The following WDR72 variants were observed in gnomAD, a reference collection of about 807,000 sequenced individuals.
WDR72 encodes WD repeat-containing protein 72.
A neutral mutation model predicts 124.2 loss-of-function variants in WDR72; 120 were observed. That is an observed-to-expected ratio of 0.97 (90% CI 0.83 to 1.12). WDR72 has a LOEUF of 1.12. WDR72 is among the 50% of genes most tolerant of loss of function. WDR72 has a pLI of 0.00. For missense variants in WDR72, 1,387 were observed against 1,278.8 expected (o/e 1.08, Z -1.29); for synonymous variants, 452 against 441.7 (o/e 1.02, Z -0.29).
At chr15:53,738,923 T>G (rs1419484485) in intron 1 of WDR72, among the ~76,000 whole-genome samples, 1 of 152,176 alleles carries the variant, frequency 6.6e-6, no homozygotes, top group Non-Finnish European at 1.5e-5. Context: ...CACAGATTAT[T>G]AAATCTGAAT....
chr15:53,746,744 A>G (rs556922884), intron 1 of WDR72, among the ~76,000 whole-genome samples: 3 of 152,258 alleles, frequency 2.0e-5, no homozygotes, highest in Non-Finnish European at 4.4e-5. Flanking sequence ...TTTTGCTTTT[A>G]AAAGTTTGAG....
At chr15:53,583,318 T>C (rs1252345837) in intron 18 of WDR72, among the ~76,000 whole-genome samples, 1 of 152,096 alleles carries the variant, frequency 6.6e-6, no homozygotes, top group Non-Finnish European at 1.5e-5. Context: ...TGCTAATCAT[T>C]TGAAAATAAC....
chr15:53,722,817 C>G lies in WDR72; in HGVS notation c.245G>C (p.Ser82Thr), dbSNP rs2017914813. ...CCATACCTACCCATTTTCAGCAGCACTAACAATGTAGGGCTGTTTAGAGAA... is the reference window on the plus strand; with the variant it reads ...CCATACCTACCCATTTTCAGCAGCAGTAACAATGTAGGGCTGTTTAGAGAA... ...RDFSKQPYIV[S>T]AAENGEMCVW... The change falls in exon 3 of 20, where the codon AGT becomes ACT. Residue 82 changes from serine to threonine, a missense_variant. Physicochemically the swap from Ser to Thr is moderately conservative, Grantham distance 58. Transcript: ENST00000360509. The G allele has an allele frequency of 6.2e-7, 1 of 1,613,274 alleles. No homozygotes were observed. Among genetic ancestry groups the G allele is most frequent in the African/African-American group, 1.3e-5 (1 of 74,240 alleles).
At chr15:53,725,683 A>G (rs2018003217) in intron 2 of WDR72, among the ~76,000 whole-genome samples, 2 of 152,232 alleles carry the variant, frequency 1.3e-5, no homozygotes, top group Non-Finnish European at 1.5e-5. Context: ...GTGTATTACC[A>G]TATGAAAGAA....
chr15:53,591,830 C>T (rs1364603802), intron 18 of WDR72, among the ~76,000 whole-genome samples: 2 of 151,858 alleles, frequency 1.3e-5, no homozygotes, highest in Non-Finnish European at 2.9e-5. Flanking sequence ...ACCACGGTTT[C>T]TTGAGAGAGA....
intron 19 of WDR72, among the ~76,000 whole-genome samples, chr15:53,520,198 T>C (rs1049213930): frequency 6.6e-6 from 1 of 152,074 alleles, no homozygotes; most frequent in Non-Finnish European, 1.5e-5. Flanking sequence ...GAATGAACAA[T>C]ATACAAAGCA....
chr15:53,548,123 T>G (rs1174810735), intron 18 of WDR72, among the ~76,000 whole-genome samples: 1 of 152,176 alleles, frequency 6.6e-6, no homozygotes, highest in Non-Finnish European at 1.5e-5. Context: ...TATCATAAAG[T>G]GGTCACCAAC....
chr15:53,698,018 A>G (rs1409337877), intron 13 of WDR72, among the ~76,000 whole-genome samples: 1 of 152,186 alleles, frequency 6.6e-6, no homozygotes, highest in Non-Finnish European at 1.5e-5. Context: ...ATTAAGTAGT[A>G]GGATAGGATT....
intron 3 of WDR72, among the ~76,000 whole-genome samples, chr15:53,717,172 T>G (rs1449687478): frequency 6.6e-6 from 1 of 152,184 alleles, no homozygotes; most frequent in Non-Finnish European, 1.5e-5. Context: ...TTCTCCTGAT[T>G]TGAAATCCTA....
At chr15:53,697,067 C>T (rs1344277867) in intron 13 of WDR72, among the ~76,000 whole-genome samples, 1 of 152,140 alleles carries the variant, frequency 6.6e-6, no homozygotes, top group Non-Finnish European at 1.5e-5. Flanking sequence ...ATATAGACAA[C>T]CAAAAGATGA....
intron 18 of WDR72, among the ~76,000 whole-genome samples, chr15:53,543,110 C>T (rs554914828): frequency 3.4e-3 from 463 of 137,474 alleles, no homozygotes; most frequent in Non-Finnish European, 4.3e-3. Context: ...ACAAGGATAC[C>T]CAGGAATTGA....
At chr15:53,714,839 T>C (rs561401525) in intron 5 of WDR72, among the ~76,000 whole-genome samples, 1 of 152,276 alleles carries the variant, frequency 6.6e-6, no homozygotes, top group Admixed American at 6.5e-5. Context: ...AGAAACTGAA[T>C]TATCAATACT....
In WDR72 at chr15:53,733,119, A is replaced by G. The variant is rs1224731629; in HGVS notation, c.31T>C (p.Trp11Arg). 6.2e-7 allele frequency: 1 copy of G among 1,614,062 alleles called. No homozygotes were observed. Among genetic ancestry groups the G allele is most frequent in the Non-Finnish European group, 8.5e-7 (1 of 1,179,958 alleles). The change falls in exon 2 of 20, where the codon TGG becomes CGG. Residue 11 changes from tryptophan (W) to arginine (R), a missense_variant. Physicochemically the swap from Trp to Arg is moderately radical, Grantham distance 101 (BLOSUM62 -3). Coordinates refer to ENST00000360509, the MANE Select transcript of WDR72 (RefSeq NM_182758.4). MRTSLQAVAL[W>R]GQKAPPHSIT... ...CTGTGGGGAGGGGCCTTCTGTCCCC[A>G]GAGTGCCACTGCCTGCAGGGAAGTC...
At chr15:53,713,246 C>T (rs2017600027) in intron 6 of WDR72, among the ~76,000 whole-genome samples, 2 of 144,592 alleles carry the variant, frequency 1.4e-5, no homozygotes, top group Admixed American at 6.9e-5. Context: ...GGGCTCATTA[C>T]ATGCAACCAT....
At chr15:53,642,314 C>T (rs118103161) in intron 14 of WDR72, among the ~76,000 whole-genome samples, 550 of 151,990 alleles carry the variant, frequency 3.6e-3, no homozygotes, top group Admixed American at 6.2e-3. Flanking sequence ...AAAAATCTAA[C>T]CAGGGTAGAT....
At chr15:53,762,554 GA>G (rs2019078772), upstream of WDR72, 4 of 152,370 alleles carry the variant, frequency 2.6e-5, no homozygotes, top group Admixed American at 2.6e-4. Flanking sequence ...ACTCTTTAAT[GA>G]ATTTCCCTCA....
At chr15:53,704,688 G>GTT (rs1423795118) in intron 11 of WDR72, among the ~76,000 whole-genome samples, 1 of 85,100 alleles carries the variant, frequency 1.2e-5, no homozygotes, top group Non-Finnish European at 3.0e-5. Flanking sequence ...ACCATGCCCA[G>GTT]CTTTTTTTTT....
chr15:53,517,843 A>G lies in WDR72; in HGVS notation c.3254-89T>C, dbSNP rs1301186940. ...CCAAGAGGAGGGGAGGGAGAGAGGA[A>G]ATGAAGAATAGATACAGAAAGGAAG... On this transcript the variant is annotated intron_variant, in intron 19 of 19. Transcript: ENST00000360509. The G allele has an allele frequency of 2.9e-5, 35 of 1,220,420 alleles. No individual in the cohort carries two copies. The Admixed American group carries it at 6.0e-4, about 21-fold the overall frequency. The allele number at this position is 1,220,420 out of a possible 1,614,324, so 75.6% of individuals were successfully genotyped here.
chr15:53,617,296 GAATA>G (rs1399141026), intron 14 of WDR72, among the ~76,000 whole-genome samples: 4 of 151,376 alleles, frequency 2.6e-5, no homozygotes, highest in Admixed American at 1.3e-4. Flanking sequence ...ACAAATAAAT[GAATA>G]AAGTCACAAA....
Sources: allele counts gnomAD v4.1 joint callset (sites outside exome capture counted in the v4.1 genomes callset), GRCh38; gene constraint gnomAD v4.1.1; transcripts MANE v1.5; gene names NCBI Gene and HGNC (gene_info 2026-07-23, HGNC 2026-07-21).